Variants in CSRNP3 observed in about 807,000 individuals in gnomAD.
The protein encoded by CSRNP3 is cysteine and serine rich nuclear protein 3.
In CSRNP3, 12 loss-of-function variants were observed where a neutral mutation model predicts 48.0. The observed-to-expected ratio is 0.25, with a 90% CI of 0.16 to 0.41. CSRNP3 has a LOEUF of 0.41. Among genes scored for constraint, CSRNP3 ranks in the 10% least tolerant of loss-of-function variants. The pLI is 1.00. For missense variants in CSRNP3, 580 were observed against 724.4 expected (o/e 0.80, Z 2.29); for synonymous variants, 263 against 269.7 (o/e 0.98, Z 0.24).
chr2:165,659,068 G>T (rs1326763906), intron 5 of CSRNP3, among the ~76,000 whole-genome samples: 2 of 152,174 alleles, frequency 1.3e-5, no homozygotes, highest in African/African-American at 4.8e-5. Context: ...ACTTCCTAAG[G>T]CCATCAAAAG....
intron 1 of CSRNP3, among the ~76,000 whole-genome samples, chr2:165,474,328 C>T (rs1351751753): frequency 6.6e-6 from 1 of 152,008 alleles, no homozygotes; most frequent in Non-Finnish European, 1.5e-5. Flanking sequence ...CAGCCTCAAA[C>T]TCCTGGGCTC....
chr2:165,566,916 T>A (rs930432747), intron 3 of CSRNP3: 9 of 152,090 alleles, frequency 5.9e-5, no homozygotes, highest in African/African-American at 1.9e-4. Context: ...TGAACCCAGA[T>A]GAATAATATG....
At chr2:165,634,615 C>T (rs940295539) in intron 4 of CSRNP3, among the ~76,000 whole-genome samples, 2 of 152,004 alleles carry the variant, frequency 1.3e-5, no homozygotes, top group South Asian at 2.1e-4. Context: ...AAATAGCTTA[C>T]GGAAGTTAAG....
chr2:165,531,014 T>C (rs1304353483), intron 3 of CSRNP3, among the ~76,000 whole-genome samples: 1 of 152,042 alleles, frequency 6.6e-6, no homozygotes, highest in African/African-American at 2.4e-5. Flanking sequence ...TTAATTAATA[T>C]GCACATGAAT....
At chr2:165,509,964 C>G (rs1205387801) in intron 2 of CSRNP3, among the ~76,000 whole-genome samples, 1 of 152,080 alleles carries the variant, frequency 6.6e-6, no homozygotes, top group Non-Finnish European at 1.5e-5. Context: ...GAATGTTCCT[C>G]AATCTTAGTT....
Position 165,679,124 on chromosome 2 carries a change from G to T in CSRNP3, c.1129G>T (p.Glu377Ter). 1 of 1,613,868 alleles carries T rather than the reference G, an allele frequency of 6.2e-7. No homozygotes were observed. The highest frequency in any genetic ancestry group is 8.5e-7 in the Non-Finnish European group (1 of 1,179,938). ...SESDEEEEEE[E>*]EEEEEEDDDD... ...GTCAGACGAGGAGGAGGAGGAAGAA[G>T]AAGAGGAAGAGGAGGAGGAGGATGA... Residue 377 changes from glutamate to a stop codon, truncating the protein, a stop_gained, in exon 7 of 7, where the codon GAA becomes TAA. Transcript: ENST00000651982. LOFTEE classifies it high-confidence loss of function.
chr2:165,593,704 A>G (rs1415812858), intron 3 of CSRNP3, among the ~76,000 whole-genome samples: 1 of 152,208 alleles, frequency 6.6e-6, no homozygotes, highest in Non-Finnish European at 1.5e-5. Flanking sequence ...CCCCTGATTT[A>G]TAGGATTGAC....
intron 4 of CSRNP3, among the ~76,000 whole-genome samples, chr2:165,615,553 A>G (rs1275379044): frequency 6.6e-6 from 1 of 151,116 alleles, no homozygotes; most frequent in Non-Finnish European, 1.5e-5. Context: ...AAAAAAAAAA[A>G]AGAATTATAA....
chr2:165,661,489 A>G (rs892660860), intron 5 of CSRNP3, among the ~76,000 whole-genome samples: 4 of 152,184 alleles, frequency 2.6e-5, no homozygotes, highest in African/African-American at 9.6e-5. Context: ...AATACCCTGT[A>G]TCATGCAAGG....
At chr2:165,616,448 A>G (rs1301891257) in intron 4 of CSRNP3, among the ~76,000 whole-genome samples, 3 of 152,186 alleles carry the variant, frequency 2.0e-5, no homozygotes, top group Non-Finnish European at 2.9e-5. Flanking sequence ...TTCCCGTAGG[A>G]CCAGACTAAT....
intron 3 of CSRNP3, among the ~76,000 whole-genome samples, chr2:165,523,646 G>A (rs1017644830): frequency 6.6e-6 from 1 of 151,994 alleles, no homozygotes; most frequent in Non-Finnish European, 1.5e-5. Context: ...CTCACATCTT[G>A]TGGATCTTTT....
chr2:165,497,390 G>A (rs1201621779), intron 2 of CSRNP3, among the ~76,000 whole-genome samples: 1 of 152,038 alleles, frequency 6.6e-6, no homozygotes, highest in Non-Finnish European at 1.5e-5. Flanking sequence ...GTAATTGAGT[G>A]TGTAATCAGA....
chr2:165,509,496 T>C (rs1473239532), intron 2 of CSRNP3, among the ~76,000 whole-genome samples: 1 of 152,076 alleles, frequency 6.6e-6, no homozygotes, highest in African/African-American at 2.4e-5. Flanking sequence ...AGTGGTCAGA[T>C]TGAGGATGCA....
At chr2:165,511,519 ATGTT>A (rs2105227099) in intron 2 of CSRNP3, among the ~76,000 whole-genome samples, 1 of 152,252 alleles carries the variant, frequency 6.6e-6, no homozygotes, top group East Asian at 1.9e-4. Flanking sequence ...GAGGAGAAGG[ATGTT>A]TCTTCATCAT....
chr2:165,482,364 A>G (rs999658910), intron 1 of CSRNP3, among the ~76,000 whole-genome samples: 2 of 151,942 alleles, frequency 1.3e-5, no homozygotes, highest in African/African-American at 4.8e-5. Flanking sequence ...CCTGAGTCCA[A>G]GCGATTCTTG....
At chr2:165,632,200 T>C (rs1686549436) in intron 4 of CSRNP3, among the ~76,000 whole-genome samples, 1 of 152,184 alleles carries the variant, frequency 6.6e-6, no homozygotes, top group African/African-American at 2.4e-5. Context: ...CTTTTATCAA[T>C]GTCACAGGGC....
At chr2:165,508,072 C>T (rs577649218) in intron 2 of CSRNP3, among the ~76,000 whole-genome samples, 3 of 152,018 alleles carry the variant, frequency 2.0e-5, no homozygotes, top group South Asian at 4.2e-4. Flanking sequence ...TAAAGGTCTC[C>T]GTCTTTTATT....
intron 3 of CSRNP3, among the ~76,000 whole-genome samples, chr2:165,566,541 A>C (rs1447612146): frequency 6.6e-6 from 1 of 151,794 alleles, no homozygotes; most frequent in Non-Finnish European, 1.5e-5. Flanking sequence ...GCTTGTTGTG[A>C]TGGTTTTACA....
intron 5 of CSRNP3, among the ~76,000 whole-genome samples, chr2:165,673,732 C>A (rs1377200724): frequency 6.6e-6 from 1 of 151,916 alleles, no homozygotes; most frequent in Non-Finnish European, 1.5e-5. Flanking sequence ...GGCTGATAAC[C>A]ATTTTTAAAA....
Sources: gnomAD v4.1 joint callset for allele counts (sites outside exome capture counted in the v4.1 genomes callset) on GRCh38, gnomAD v4.1.1 for gene constraint, MANE v1.5 for transcripts, NCBI Gene and HGNC (gene_info 2026-07-23, HGNC 2026-07-21) for gene names.